Variants in RANBP2 observed in about 807,000 individuals in gnomAD.
RANBP2 encodes the protein E3 SUMO-protein ligase RanBP2.
A neutral mutation model predicts 303.6 loss-of-function variants in RANBP2; 57 were observed. The ratio of observed to expected loss-of-function variants is 0.19; its 90% CI spans 0.15 to 0.23. The LOEUF is 0.23. RANBP2 is among the 10% of genes least tolerant of loss of function. RANBP2 has a pLI of 1.00. For synonymous variants in RANBP2, 1,167 were observed against 1,301.5 expected (o/e 0.90, Z 2.23); for missense variants, 3,138 against 3,780.8 (o/e 0.83, Z 4.46).
the RANBP2 span, among the ~76,000 whole-genome samples, chr2:109,022,705 A>C: frequency 6.6e-6 from 1 of 152,176 alleles, no homozygotes; most frequent in African/African-American, 2.4e-5. Flanking sequence ...GTCACTACAC[A>C]ATAGATCCAG....
chr2:108,758,578 T>C, intron 18 of RANBP2, 30 bp downstream of exon 18: 1 of 1,610,720 alleles, frequency 6.2e-7, no homozygotes, highest in Non-Finnish European at 8.5e-7. Flanking sequence ...ATCGCATATT[T>C]TAGTAAAACT....
the RANBP2 span, among the ~76,000 whole-genome samples, chr2:109,670,084 G>T: frequency 6.6e-6 from 1 of 152,146 alleles, no homozygotes; most frequent in African/African-American, 2.4e-5. Context: ...TGCGGCAGAC[G>T]GTTCCTCCTC....
Position 108,765,332 on chromosome 2 carries a change from G to T in RANBP2, c.4793G>T (p.Gly1598Val). 6.2e-7 allele frequency: 1 copy of T among 1,613,828 alleles called. No homozygotes were observed. The highest frequency in any genetic ancestry group is 8.5e-7 in the Non-Finnish European group (1 of 1,179,874). ...TSETSKAPKS[G>V]FEGMFTKKEG... ...GAGACAAGCAAGGCTCCAAAGAGCG[G>T]ATTTGAGGGAATGTTCACTAAGAAG... is the stretch of plus-strand genomic sequence containing the variant. Residue 1598 changes from glycine to valine, a missense_variant, in exon 20 of 29, where the codon GGA becomes GTA. Transcript: ENST00000283195.
the RANBP2 span, among the ~76,000 whole-genome samples, chr2:108,825,786 T>C: frequency 2.0e-5 from 3 of 152,194 alleles, no homozygotes; most frequent in Non-Finnish European, 4.4e-5. Context: ...TGTATGCACA[T>C]ATTTTTTCAT....
At position 108,772,552 on chromosome 2, in the gene RANBP2, A is replaced by C. The variant is rs1425172901; in HGVS notation, c.8084A>C (p.Lys2695Thr). The change falls in exon 22 of 29, where the codon AAA (lysine) becomes ACA (threonine). Residue 2695 changes from lysine (K) to threonine (T), a missense_variant. Coordinates refer to ENST00000283195, the MANE Select transcript of RANBP2 (RefSeq NM_006267.5). ...AAACTATATTTGGATGGCTCAGAAA[A>C]ATGTAGACCCTTGGAAGAAAATACA... ...NGKLYLDGSE[K>T]CRPLEENTAD... 6.2e-7 allele frequency: 1 copy of C among 1,613,764 alleles called. No individual in the cohort carries two copies. The highest frequency in any genetic ancestry group is 8.5e-7 in the Non-Finnish European group (1 of 1,179,872).
the RANBP2 span, among the ~76,000 whole-genome samples, chr2:109,662,778 G>A: frequency 6.6e-6 from 1 of 152,072 alleles, no homozygotes; most frequent in Non-Finnish European, 1.5e-5. Flanking sequence ...CTCCTCATTG[G>A]TATCTGCTTC....
the RANBP2 span, among the ~76,000 whole-genome samples, chr2:109,285,032 G>A: frequency 2.6e-5 from 4 of 152,366 alleles, no homozygotes; most frequent in Middle Eastern, 0.01. Context: ...GCTGTGCCGC[G>A]GGGCCTCTGC....
the RANBP2 span, among the ~76,000 whole-genome samples, chr2:108,832,481 G>A: frequency 1.3e-5 from 2 of 151,314 alleles, no homozygotes; most frequent in South Asian, 4.2e-4. Flanking sequence ...CCAAGTAGCT[G>A]GGATTACAGG....
the RANBP2 span, among the ~76,000 whole-genome samples, chr2:109,390,793 G>A: frequency 6.3e-4 from 96 of 152,262 alleles, no homozygotes; most frequent in East Asian, 5.8e-4. Context: ...GTCGCTTCCC[G>A]GGCTACCCAC....
At chr2:109,344,645 A>G in the RANBP2 span, among the ~76,000 whole-genome samples, 1 of 152,206 alleles carries the variant, frequency 6.6e-6, no homozygotes, top group Non-Finnish European at 1.5e-5. Context: ...ACTGGGTGCA[A>G]GGAGAGATGA....
chr2:109,647,972 T>C, the RANBP2 span, among the ~76,000 whole-genome samples: 8 of 152,158 alleles, frequency 5.3e-5, no homozygotes, highest in Non-Finnish European at 1.2e-4. Context: ...CCCTAACCCT[T>C]TGCTGAGCTG....
At chr2:108,811,376 C>G in the RANBP2 span, among the ~76,000 whole-genome samples, 1 of 151,048 alleles carries the variant, frequency 6.6e-6, no homozygotes, top group Non-Finnish European at 1.5e-5. Flanking sequence ...TCCTTAGTAG[C>G]TGGGACTGCA....
chr2:109,713,093 G>A, the RANBP2 span, among the ~76,000 whole-genome samples: 4 of 152,112 alleles, frequency 2.6e-5, no homozygotes, highest in African/African-American at 9.7e-5. Context: ...CTCCACCTGG[G>A]TCTCTTGAAA....
chr2:108,954,548 TAGTC>T, the RANBP2 span, among the ~76,000 whole-genome samples: 1 of 152,164 alleles, frequency 6.6e-6, no homozygotes, highest in Non-Finnish European at 1.5e-5. Flanking sequence ...CTTTTCATCT[TAGTC>T]AACGCTCATC....
the RANBP2 span, among the ~76,000 whole-genome samples, chr2:108,862,077 G>GTTTT: frequency 4.2e-5 from 6 of 141,358 alleles, no homozygotes; most frequent in African/African-American, 5.2e-5. Context: ...TATGATTTCA[G>GTTTT]TTTTTTTTTT....
the RANBP2 span, among the ~76,000 whole-genome samples, chr2:109,104,041 G>A: frequency 3.3e-5 from 5 of 152,148 alleles, no homozygotes; most frequent in South Asian, 4.2e-4. Context: ...TGATCCGCCC[G>A]CCTCGGCCTC....
At chr2:109,315,460 G>A in the RANBP2 span, among the ~76,000 whole-genome samples, 1 of 152,236 alleles carries the variant, frequency 6.6e-6, no homozygotes, top group Non-Finnish European at 1.5e-5. Context: ...TCTGTAGAAT[G>A]CACTTGCTTT....
the RANBP2 span, chr2:109,618,416 G>A: frequency 6.0e-6 from 1 of 166,990 alleles, no homozygotes; most frequent in Admixed American, 6.5e-5. Context: ...AATTTGCCAG[G>A]GCTTTAGAGA....
the RANBP2 span, among the ~76,000 whole-genome samples, chr2:109,242,083 C>G: frequency 6.6e-6 from 1 of 151,954 alleles, no homozygotes; most frequent in African/African-American, 2.4e-5. Context: ...TCATAGGTAG[C>G]CTGCCACACA....
Sources: gnomAD v4.1 joint callset for allele counts (sites outside exome capture counted in the v4.1 genomes callset) on GRCh38, gnomAD v4.1.1 for gene constraint, MANE v1.5 for transcripts, NCBI Gene and HGNC (gene_info 2026-07-23, HGNC 2026-07-21) for gene names.